The following JADE3 variants were observed in gnomAD, a reference collection of about 807,000 sequenced individuals.
The protein encoded by JADE3 is protein Jade-3.
JADE3 carries 2 observed loss-of-function variants against 50.1 expected under a neutral mutation model. That is an observed-to-expected ratio of 0.04 (90% CI 0.02 to 0.13). The LOEUF is 0.13. JADE3 is among the 10% of genes least tolerant of loss of function. The pLI, the probability that JADE3 is intolerant of heterozygous loss-of-function variation, is 1.00. For missense variants in JADE3, 475 were observed against 634.4 expected, an observed-to-expected ratio of 0.75 and a Z score of 2.70; for synonymous variants, 218 against 232.9, an observed-to-expected ratio of 0.94 and a Z score of 0.58.
At chrX:46,976,565 G>A (rs1422400912) in intron 1 of JADE3, among the ~76,000 whole-genome samples, 1 of 111,667 alleles carries the variant, frequency 9.0e-6, no homozygotes, top group East Asian at 2.8e-4. Context: ...CCAAAATGAA[G>A]GTAAGGAAGA....
chrX:46,986,114 G>GA (rs1203715332), intron 3 of JADE3, among the ~76,000 whole-genome samples: 5 of 111,485 alleles, frequency 4.5e-5, no homozygotes, highest in African/African-American at 1.6e-4. Context: ...GAAGCAGCCT[G>GA]AGGCCCTTAC....
intron 1 of JADE3, among the ~76,000 whole-genome samples, chrX:46,963,712 A>G (rs1201611823): frequency 1.8e-5 from 2 of 111,452 alleles, no homozygotes; most frequent in Admixed American, 9.5e-5. Flanking sequence ...AGAGCTATGC[A>G]TCTCTCATCC....
chrX:47,034,766 ATT>A lies in JADE3; in HGVS notation c.855+995_855+996del, dbSNP rs59276816. On this transcript the variant is annotated intron_variant, in intron 7 of 10. Transcript: ENST00000614628. ...AGGTGCCCGCCACCATGCCTGGCTA[ATT>A]TTTTTTTTTTTTTTTTGGTATTTTT... Among the ~76,000 whole-genome samples the A allele has an allele frequency of 1.3e-3, 116 of 89,057 alleles. No homozygotes were observed. The South Asian group carries it at 0.023, about 18-fold the overall frequency. 77.3% of individuals were successfully genotyped at this position (89,057 alleles called of 115,157 possible). A position where few individuals can be genotyped will look rare whatever the true frequency, so the allele number is the denominator to read the frequency against.
chrX:47,060,244 G>C lies in JADE3; in HGVS notation c.*1167G>C, dbSNP rs782789201. On this transcript the variant is annotated 3_prime_UTR_variant, in exon 11 of 11. Coordinates refer to ENST00000614628, the MANE Select transcript of JADE3 (RefSeq NM_014735.5). ...AGAGAATAATTACATTTGCGGGGGG[G>C]GGGGTGGATAAAAACATGTCTGCTT... 4.2e-4 allele frequency: 43 copies of C among 102,275 alleles called. No individual in the cohort carries two copies. The highest frequency in any genetic ancestry group is 1.5e-3 in the African/African-American group (42 of 28,629). 8.4% of individuals were successfully genotyped at this position (102,275 alleles called of 1,213,427 possible).
chrX:47,003,005 T>G (rs181516444), intron 4 of JADE3, among the ~76,000 whole-genome samples: 3 of 111,982 alleles, frequency 2.7e-5, no homozygotes, highest in African/African-American at 9.7e-5. Context: ...GTTTTTTTCA[T>G]AAATGGGTAT....
At chrX:46,958,781 C>T (rs970448305) in intron 1 of JADE3, among the ~76,000 whole-genome samples, 2 of 111,984 alleles carry the variant, frequency 1.8e-5, no homozygotes, top group African/African-American at 6.5e-5. Flanking sequence ...TATCTACCCC[C>T]ATTGAAAATA....
chrX:46,998,308 G>T (rs781815760), intron 4 of JADE3, 31 bp downstream of exon 4: 10 of 1,165,534 alleles, frequency 8.6e-6, no homozygotes, highest in Non-Finnish European at 1.2e-5. Flanking sequence ...TTGACTTAGG[G>T]AATGAATGCT....
At chrX:47,015,432 A>G (rs1928647773) in intron 4 of JADE3, among the ~76,000 whole-genome samples, 1 of 109,651 alleles carries the variant, frequency 9.1e-6, no homozygotes, top group African/African-American at 3.3e-5. Flanking sequence ...AAATACAAAA[A>G]AATTAGCTGG....
At chrX:46,929,807 G>A (rs1185813437) in intron 1 of JADE3, among the ~76,000 whole-genome samples, 2 of 111,858 alleles carry the variant, frequency 1.8e-5, no homozygotes, top group Non-Finnish European at 3.8e-5. Context: ...CATTCTGACC[G>A]TCTGCCTCTG....
intron 1 of JADE3, among the ~76,000 whole-genome samples, chrX:46,923,393 C>CTTTT (rs782555482): frequency 2.3e-3 from 26 of 11,522 alleles, no homozygotes; most frequent in African/African-American, 5.1e-3. Flanking sequence ...CTCTCTCTCT[C>CTTTT]TTTTTTTTTT....
intron 1 of JADE3, among the ~76,000 whole-genome samples, chrX:46,968,193 A>G (rs1927406904): frequency 8.9e-6 from 1 of 112,295 alleles, no homozygotes; most frequent in South Asian, 3.7e-4. Context: ...ATATGTAGGA[A>G]CATTAATAAA....
At chrX:46,937,281 A>G (rs368356286) in intron 1 of JADE3, among the ~76,000 whole-genome samples, 14 of 111,637 alleles carry the variant, frequency 1.3e-4, no homozygotes, top group African/African-American at 4.5e-4. Flanking sequence ...CTTTATGGTC[A>G]GGGAACATGC....
intron 1 of JADE3, among the ~76,000 whole-genome samples, chrX:46,942,610 T>C (rs1602378160): frequency 8.9e-6 from 1 of 112,291 alleles, no homozygotes; most frequent in African/African-American, 3.2e-5. Context: ...TGTAGCCTTA[T>C]GTTTTGAAGT....
At position 47,053,934 on chromosome X, in the gene JADE3, A is replaced by G. The variant is rs782379542; in HGVS notation, c.973-224A>G. Among the ~76,000 whole-genome samples the G allele has an allele frequency of 9.9e-5, 11 of 111,531 alleles. No individual in the cohort carries two copies. In the South Asian group the frequency reaches 4.2e-3, roughly 42 times the overall value. ...TTGATGCTTGAATGCTTGAGCTGAA[A>G]CCTCAAAAGGAGTGTTTGAATTATT... On this transcript the variant is annotated intron_variant, in intron 8 of 10. Transcript: ENST00000614628.
In JADE3 at chrX:47,059,763, TTACAAAAG is replaced by T. The variant is rs1301094914; in HGVS notation, c.*698_*705del. ...TAAAAGGCTAACTTGTGGATAGTGTTTACAAAAGTACAAAAGTACTACTTCCAAGGAAA... is the reference window on the plus strand; with the variant it reads ...TAAAAGGCTAACTTGTGGATAGTGTTTACAAAAGTACTACTTCCAAGGAAA... On this transcript the variant is annotated 3_prime_UTR_variant, in exon 11 of 11. Transcript: ENST00000614628. The T allele has an allele frequency of 8.0e-5, 9 of 112,177 alleles. No individual in the cohort carries two copies. The highest frequency in any genetic ancestry group is 4.8e-4 in the Admixed American group (5 of 10,445). 9.2% of individuals were successfully genotyped at this position (112,177 alleles called of 1,213,427 possible). A position where few individuals can be genotyped will look rare whatever the true frequency, so the allele number is the denominator to read the frequency against.
chrX:47,043,393 C>T (rs957091895), intron 8 of JADE3, among the ~76,000 whole-genome samples: 1 of 112,377 alleles, frequency 8.9e-6, no homozygotes, highest in Non-Finnish European at 1.9e-5. Context: ...GTGATTAATC[C>T]TGGAGAGACA....
intron 7 of JADE3, among the ~76,000 whole-genome samples, chrX:47,037,997 T>G (rs1556368433): frequency 1.8e-5 from 2 of 110,653 alleles, no homozygotes; most frequent in Non-Finnish European, 3.8e-5. Flanking sequence ...TCTCCTTGAG[T>G]TCAGTTGTTT....
At chrX:46,992,413 A>C (rs1471107271) in intron 3 of JADE3, among the ~76,000 whole-genome samples, 2 of 80,963 alleles carry the variant, frequency 2.5e-5, no homozygotes, top group Non-Finnish European at 4.4e-5. Flanking sequence ...TCATATTCTC[A>C]TATCAGTCCC....
chrX:46,929,488 T>A (rs984857898), intron 1 of JADE3, among the ~76,000 whole-genome samples: 2 of 111,650 alleles, frequency 1.8e-5, no homozygotes, highest in Non-Finnish European at 3.8e-5. Flanking sequence ...TAGGCTACTT[T>A]CTTCCCATAA....
Sources: gnomAD v4.1 joint callset for allele counts (sites outside exome capture counted in the v4.1 genomes callset) on GRCh38, gnomAD v4.1.1 for gene constraint, MANE v1.5 for transcripts, NCBI Gene and HGNC (gene_info 2026-07-23, HGNC 2026-07-21) for gene names.